MAD1L1: variants seen among roughly 807,000 people sequenced by gnomAD.
MAD1L1 encodes the protein mitotic arrest deficient 1 like 1, also known as mitotic spindle assembly checkpoint protein MAD1.
Under a neutral mutation model 96.9 loss-of-function variants are expected in MAD1L1, and 95 were observed. That is an observed-to-expected ratio of 0.98 (90% CI 0.83 to 1.16). The LOEUF is 1.16. Among genes scored for constraint, MAD1L1 ranks in the 50% most tolerant of loss-of-function variants. The pLI is 0.00. For synonymous variants in MAD1L1, 473 were observed against 396.6 expected (o/e 1.19, Z -2.29); for missense variants, 1,007 against 954.4 (o/e 1.06, Z -0.73).
At chr7:2,005,952 C>T (rs1212877109) in intron 13 of MAD1L1, among the ~76,000 whole-genome samples, 1 of 152,132 alleles carries the variant, frequency 6.6e-6, no homozygotes, top group East Asian at 1.9e-4. Flanking sequence ...AGCCACCAGA[C>T]AGAAGCTCAG....
At chr7:1,882,440 G>A (rs753256998) in intron 18 of MAD1L1, among the ~76,000 whole-genome samples, 4 of 152,238 alleles carry the variant, frequency 2.6e-5, no homozygotes, top group Admixed American at 6.5e-5. Context: ...GGCTTCAGAA[G>A]AGACTGTGAA....
chr7:2,144,532 TC>T (rs944555004), intron 11 of MAD1L1, among the ~76,000 whole-genome samples: 2 of 151,654 alleles, frequency 1.3e-5, no homozygotes, highest in African/African-American at 4.9e-5. Flanking sequence ...GCTGGCCTAT[TC>T]CCCCCCAGAT....
intron 13 of MAD1L1, among the ~76,000 whole-genome samples, chr7:2,003,421 G>A (rs1233997403): frequency 6.6e-6 from 1 of 152,128 alleles, no homozygotes; most frequent in East Asian, 1.9e-4. Flanking sequence ...ACAGCCCACA[G>A]TCCTCAACCT....
chr7:1,936,909 C>T lies in MAD1L1; in HGVS notation c.1597-12G>A. 6.3e-7 allele frequency: 1 copy of T among 1,575,544 alleles called. No individual in the cohort carries two copies. Among genetic ancestry groups the T allele is most frequent in the Non-Finnish European group, 8.6e-7 (1 of 1,158,186 alleles). ...TGGTCATAGTCACCCTGCAGGAACA[C>T]ACACAGCACAGGTCACCATGGCCCA... On this transcript the variant is annotated splice_polypyrimidine_tract_variant and intron_variant, in intron 16 of 18. Coordinates refer to ENST00000265854, the MANE Select transcript of MAD1L1 (RefSeq NM_001013836.2).
intron 15 of MAD1L1, among the ~76,000 whole-genome samples, chr7:1,966,808 G>A (rs1303759921): frequency 6.6e-6 from 1 of 152,276 alleles, no homozygotes; most frequent in East Asian, 1.9e-4. Context: ...ATCGTGGCGT[G>A]CTGGGAGGCG....
At chr7:2,205,213 T>C (rs866069245) in intron 10 of MAD1L1, among the ~76,000 whole-genome samples, 7 of 150,876 alleles carry the variant, frequency 4.6e-5, no homozygotes, top group Admixed American at 1.3e-4. Flanking sequence ...AGATTAAGAC[T>C]GGCATTGCTA....
intron 18 of MAD1L1, among the ~76,000 whole-genome samples, chr7:1,880,485 G>T (rs1167363226): frequency 6.6e-6 from 1 of 152,172 alleles, no homozygotes; most frequent in African/African-American, 2.4e-5. Flanking sequence ...AAGGGCCATG[G>T]CCAGGCTGCC....
intron 18 of MAD1L1, among the ~76,000 whole-genome samples, chr7:1,890,584 T>C (rs1786474879): frequency 6.6e-6 from 1 of 152,202 alleles, no homozygotes; most frequent in South Asian, 2.1e-4. Context: ...GTCTCAGATA[T>C]TCCTTTATAG....
chr7:2,197,190 C>T (rs1375273003), intron 10 of MAD1L1, among the ~76,000 whole-genome samples: 3 of 152,214 alleles, frequency 2.0e-5, no homozygotes, highest in Admixed American at 6.5e-5. Context: ...TGTCCGAACA[C>T]GCAGCATCTG....
chr7:1,860,224 G>A (rs573113099), intron 18 of MAD1L1, among the ~76,000 whole-genome samples: 24 of 103,540 alleles, frequency 2.3e-4, no homozygotes, highest in East Asian at 8.6e-4. Flanking sequence ...CGGCCTCTGT[G>A]TCCCTAGACA....
At chr7:1,975,271 G>A (rs1312404612) in intron 15 of MAD1L1, among the ~76,000 whole-genome samples, 1 of 152,194 alleles carries the variant, frequency 6.6e-6, no homozygotes, top group Non-Finnish European at 1.5e-5. Flanking sequence ...GGCCCCCTCG[G>A]GGCCACGCCT....
chr7:2,018,284 G>T (rs927420272), intron 12 of MAD1L1, among the ~76,000 whole-genome samples: 1 of 152,196 alleles, frequency 6.6e-6, no homozygotes, highest in African/African-American at 2.4e-5. Context: ...GGCAGAGAAC[G>T]CCTCAGCCTC....
Position 2,097,795 on chromosome 7 carries a change from G to A in MAD1L1, c.1074-28457C>T, listed in dbSNP as rs1349911569. Among the ~76,000 whole-genome samples the A allele has an allele frequency of 2.0e-5, 3 of 152,242 alleles. No individual in the cohort carries two copies. In the East Asian group the frequency reaches 5.8e-4, roughly 29 times the overall value. ...AGGGAGACAGTGAGGCCTTGAGGCTGCAGAGGCGTCTGGGACCCCTGGGAG... is the reference window on the plus strand; with the variant it reads ...AGGGAGACAGTGAGGCCTTGAGGCTACAGAGGCGTCTGGGACCCCTGGGAG... On this transcript the variant is annotated intron_variant, in intron 11 of 18. Coordinates refer to ENST00000265854, the MANE Select transcript of MAD1L1 (RefSeq NM_001013836.2).
At chr7:1,969,586 C>T (rs1435214499) in intron 15 of MAD1L1, among the ~76,000 whole-genome samples, 1 of 152,204 alleles carries the variant, frequency 6.6e-6, no homozygotes. Context: ...AACTACTTCT[C>T]TCTCTTTGCA....
chr7:2,156,331 C>T (rs552064194), intron 10 of MAD1L1, among the ~76,000 whole-genome samples: 27 of 152,326 alleles, frequency 1.8e-4, no homozygotes, highest in African/African-American at 6.0e-4. Context: ...TTTCACGGTG[C>T]GTGGCGTCAT....
intron 10 of MAD1L1, among the ~76,000 whole-genome samples, chr7:2,179,925 C>G (rs973053338): frequency 2.0e-5 from 3 of 151,374 alleles, no homozygotes; most frequent in African/African-American, 7.3e-5. Context: ...GAGCCAAGAT[C>G]GTGCCACTGC....
intron 18 of MAD1L1, chr7:1,847,242 G>C (rs1454151427): frequency 4.2e-6 from 2 of 470,784 alleles, no homozygotes; most frequent in Non-Finnish European, 8.8e-6. Flanking sequence ...GTCCTTTTCT[G>C]TTTAGGAAGC....
At chr7:2,071,016 G>T (rs761039385) in intron 11 of MAD1L1, among the ~76,000 whole-genome samples, 4 of 151,456 alleles carry the variant, frequency 2.6e-5, no homozygotes, top group African/African-American at 9.7e-5. Flanking sequence ...CAGGGCTGGT[G>T]GATGGCGCTT....
At position 1,842,348 on chromosome 7, in the gene MAD1L1, C is replaced by T. The variant is rs559672857; in HGVS notation, c.1999-26120G>A. ...CCTGTGGAAACCCAGCAGCTCCCTG[C>T]GGCTCCGGCCCTGGAGGCCTGAGGT... On this transcript the variant is annotated intron_variant, in intron 18 of 18. Coordinates refer to ENST00000265854, the MANE Select transcript of MAD1L1 (RefSeq NM_001013836.2). 1.1e-4 allele frequency among the ~76,000 whole-genome samples: 16 copies of T among 152,364 alleles called. No homozygotes were observed. The South Asian group carries it at 2.7e-3, about 26-fold the overall frequency.
Sources: gnomAD v4.1 joint callset for allele counts (sites outside exome capture counted in the v4.1 genomes callset) on GRCh38, gnomAD v4.1.1 for gene constraint, MANE v1.5 for transcripts, NCBI Gene and HGNC (gene_info 2026-07-23, HGNC 2026-07-21) for gene names.